Variants in FRMPD4 observed in about 807,000 individuals in gnomAD.
FRMPD4 encodes the protein FERM and PDZ domain containing 4.
FRMPD4 carries 22 observed loss-of-function variants against 94.1 expected under a neutral mutation model. That is an observed-to-expected ratio of 0.23 (90% confidence interval 0.17 to 0.33). The LOEUF (loss-of-function observed/expected upper bound fraction) is 0.33, where lower values mean the gene tolerates loss of function less well. Ranked by LOEUF, FRMPD4 falls within the 10% of genes least tolerant of loss-of-function variation. The pLI, the probability that FRMPD4 is intolerant of heterozygous loss-of-function variation, is 1.00. For missense variants in FRMPD4, 1,111 were observed against 1,339.9 expected (o/e 0.83, Z 2.67); for synonymous variants, 631 against 548.6 (o/e 1.15, Z -2.10).
At chrX:12,696,275 C>T (rs2060127529) in intron 9 of FRMPD4, among the ~76,000 whole-genome samples, 1 of 111,499 alleles carries the variant, frequency 9.0e-6, no homozygotes, top group African/African-American at 3.3e-5. Context: ...CTTTTCCAGA[C>T]TGATATCTGA....
At chrX:12,474,236 G>A (rs954605369) in intron 1 of FRMPD4, among the ~76,000 whole-genome samples, 1 of 110,735 alleles carries the variant, frequency 9.0e-6, no homozygotes, top group Non-Finnish European at 1.9e-5. Flanking sequence ...AATGAAGGCA[G>A]AAATAAAGAT....
chrX:12,329,526 C>G (rs2055338795), intron 1 of FRMPD4, among the ~76,000 whole-genome samples: 1 of 110,484 alleles, frequency 9.1e-6, no homozygotes. Flanking sequence ...TTTCTGAACC[C>G]CCAACAATAC....
At chrX:12,708,295 C>T (rs2041916178) in intron 13 of FRMPD4, among the ~76,000 whole-genome samples, 1 of 109,972 alleles carries the variant, frequency 9.1e-6, no homozygotes, top group African/African-American at 3.3e-5. Flanking sequence ...CATGGTGAAA[C>T]CCCATCTCTA....
At chrX:12,045,756 A>G (rs2054781911) in intron 3 of FRMPD4, among the ~76,000 whole-genome samples, 2 of 111,794 alleles carry the variant, frequency 1.8e-5, no homozygotes, top group Non-Finnish European at 3.8e-5. Flanking sequence ...GGGACAGAAG[A>G]TGAAAAAAAT....
In FRMPD4 at chrX:12,216,698, T is replaced by A. The variant is rs367608378; in HGVS notation, c.41+77686T>A. Among the ~76,000 whole-genome samples the A allele has an allele frequency of 1.2e-4, 13 of 112,190 alleles. No individual in the cohort carries two copies. In the East Asian group the frequency reaches 2.2e-3, roughly 19 times the overall value. The stretch of plus-strand genomic sequence containing the variant: ...AAAAAAATTTCTGCCATGTTCCACC[T>A]CATCTCTGAAACTGTTGCTTATCCT... On this transcript the variant is annotated intron_variant, in intron 1 of 16. Transcript: ENST00000675598.
intron 3 of FRMPD4, among the ~76,000 whole-genome samples, chrX:12,093,294 A>C (rs2055170328): frequency 9.0e-6 from 1 of 111,405 alleles, no homozygotes; most frequent in African/African-American, 3.3e-5. Context: ...AGAGTTGAGA[A>C]GAGAGTGTCC....
chrX:12,149,068 T>C (rs1411469890), intron 1 of FRMPD4: 2 of 112,026 alleles, frequency 1.8e-5, no homozygotes, highest in Non-Finnish European at 3.8e-5. Context: ...AAATTTGTTC[T>C]GCAGCCCAGT....
At chrX:12,201,516 C>A (rs2056630480) in intron 1 of FRMPD4, among the ~76,000 whole-genome samples, 1 of 111,805 alleles carries the variant, frequency 8.9e-6, no homozygotes, top group Non-Finnish European at 1.9e-5. Context: ...GGTGTTCAGG[C>A]CTAAATTATT....
chrX:12,053,082 A>C (rs2054827269), intron 3 of FRMPD4, among the ~76,000 whole-genome samples: 1 of 110,776 alleles, frequency 9.0e-6, no homozygotes, highest in African/African-American at 3.3e-5. Context: ...TCATGCCTGT[A>C]ATCCCAGCAT....
chrX:12,567,964 T>C (rs187542744), intron 2 of FRMPD4, among the ~76,000 whole-genome samples: 1 of 111,833 alleles, frequency 8.9e-6, no homozygotes, highest in Non-Finnish European at 1.9e-5. Flanking sequence ...TATTTTTTAA[T>C]AATATCAACA....
intron 1 of FRMPD4, among the ~76,000 whole-genome samples, chrX:12,427,557 G>A (rs764438564): frequency 1.8e-5 from 2 of 111,797 alleles, no homozygotes; most frequent in African/African-American, 6.5e-5. Context: ...ACACAATGGA[G>A]AAGGCACTAG....
At chrX:12,462,970 C>T (rs981659416) in intron 1 of FRMPD4, among the ~76,000 whole-genome samples, 1 of 111,865 alleles carries the variant, frequency 8.9e-6, no homozygotes, top group Admixed American at 9.4e-5. Context: ...GCCTGGGCAA[C>T]ACAGGAAGAC....
At chrX:11,906,374 C>T (rs1377069053) in intron 3 of FRMPD4, among the ~76,000 whole-genome samples, 1 of 110,421 alleles carries the variant, frequency 9.1e-6, no homozygotes, top group Non-Finnish European at 1.9e-5. Flanking sequence ...GTCTCGATCT[C>T]CTGACCTTGT....
intron 1 of FRMPD4, among the ~76,000 whole-genome samples, chrX:12,483,282 G>A (rs1020527638): frequency 2.7e-5 from 3 of 111,972 alleles, no homozygotes; most frequent in African/African-American, 9.7e-5. Context: ...TGTGAATTGG[G>A]CTATAGCACA....
chrX:12,701,557 A>G (rs944307400), intron 9 of FRMPD4, among the ~76,000 whole-genome samples: 2 of 112,124 alleles, frequency 1.8e-5, no homozygotes, highest in African/African-American at 3.2e-5. Flanking sequence ...TATGCTATCA[A>G]TGCTGTGTGC....
intron 3 of FRMPD4, among the ~76,000 whole-genome samples, chrX:11,948,901 A>G (rs777662155): frequency 8.9e-6 from 1 of 112,219 alleles, no homozygotes; most frequent in East Asian, 2.8e-4. Context: ...TTGAGATAAC[A>G]TTTGAAAAAA....
At chrX:12,394,855 G>A (rs1484102249) in intron 1 of FRMPD4, among the ~76,000 whole-genome samples, 1 of 111,935 alleles carries the variant, frequency 8.9e-6, no homozygotes, top group Non-Finnish European at 1.9e-5. Flanking sequence ...TAGAGTACCT[G>A]TTTATAAAGA....
intron 3 of FRMPD4, among the ~76,000 whole-genome samples, chrX:11,953,231 A>G (rs764928349): frequency 8.9e-6 from 1 of 112,020 alleles, no homozygotes; most frequent in Non-Finnish European, 1.9e-5. Context: ...AAGCAGCTCT[A>G]TATTGTCAAT....
At chrX:12,699,169 A>G (rs2060163187) in intron 9 of FRMPD4, among the ~76,000 whole-genome samples, 1 of 111,950 alleles carries the variant, frequency 8.9e-6, no homozygotes, top group Admixed American at 9.4e-5. Context: ...AAATGACCCT[A>G]TCTAGGCTCT....
Sources: allele counts gnomAD v4.1 joint callset (sites outside exome capture counted in the v4.1 genomes callset), GRCh38; gene constraint gnomAD v4.1.1; transcripts MANE v1.5; gene names NCBI Gene and HGNC (gene_info 2026-07-23, HGNC 2026-07-21).